Variants in SYNE2 observed in about 807,000 individuals in gnomAD.
SYNE2 encodes the protein spectrin repeat containing nuclear envelope protein 2, also known as nesprin-2.
A neutral mutation model predicts 856.3 loss-of-function variants in SYNE2; 431 were observed. That is an observed-to-expected ratio of 0.50 (90% CI 0.47 to 0.55). The LOEUF is 0.55. SYNE2 is among the 20% of genes least tolerant of loss of function. The pLI is 0.00. For missense variants in SYNE2, 8,129 were observed against 8,023.2 expected (o/e 1.01, Z -0.50); for synonymous variants, 2,923 against 2,872.3 (o/e 1.02, Z -0.56).
chr14:64,165,513 C>T, intron 90 of SYNE2, 103 bp downstream of exon 90: 2 of 1,316,148 alleles, frequency 1.5e-6, no homozygotes, highest in South Asian at 2.5e-5. Context: ...TCCTAACTCA[C>T]TCTTATTTTT....
At position 63,836,177 on chromosome 14, in the gene SYNE2, A is replaced by G. The variant is rs147852305; in HGVS notation, c.-304-16324A>G. Reference sequence around the variant, plus strand: ...GCTGGAACTACAGGCATGTGCCACTATGCCTGGCTAATTTTTTGGTATTTT... The same window carrying G: ...GCTGGAACTACAGGCATGTGCCACTGTGCCTGGCTAATTTTTTGGTATTTT... On this transcript the variant is annotated intron_variant, in intron 1 of 23. Transcript: ENST00000674003. 2.3e-3 allele frequency among the ~76,000 whole-genome samples: 347 copies of G among 152,120 alleles called. 3 individuals carry two copies. In the South Asian group the frequency reaches 0.025, roughly 11 times the overall value.
At chr14:63,987,772 T>A (rs2096637304) in intron 19 of SYNE2, among the ~76,000 whole-genome samples, 1 of 146,922 alleles carries the variant, frequency 6.8e-6, no homozygotes, top group Non-Finnish European at 1.5e-5. Context: ...AAAAATTTTT[T>A]AAATAATTTA....
At chr14:63,908,714 A>C (rs948287903) in intron 1 of SYNE2, among the ~76,000 whole-genome samples, 1 of 152,220 alleles carries the variant, frequency 6.6e-6, no homozygotes, top group African/African-American at 2.4e-5. Flanking sequence ...TTTAAAGAAA[A>C]TCCTTGAAGG....
chr14:64,057,601 C>G (rs2097283117), intron 49 of SYNE2, among the ~76,000 whole-genome samples: 1 of 152,186 alleles, frequency 6.6e-6, no homozygotes, highest in Admixed American at 6.5e-5. Context: ...GCAGCTATCT[C>G]TTCAATATAC....
rs371726138 is a variant in SYNE2, at chr14:64,183,000, G to A, written c.17557-3424G>A. Among the ~76,000 whole-genome samples the A allele has an allele frequency of 7.0e-4, 92 of 131,476 alleles. No individual in the cohort carries two copies. The South Asian group carries it at 0.018, about 26-fold the overall frequency. 86.3% of individuals were successfully genotyped at this position (131,476 alleles called of 152,430 possible). On this transcript the variant is annotated intron_variant, in intron 96 of 115. Coordinates refer to ENST00000555002, the MANE Select transcript of SYNE2 (RefSeq NM_182914.3). The stretch of plus-strand genomic sequence containing the variant: ...CCCCCACCTCCCTCCCGGACGGGGC[G>A]ACTGGCCAGGCGGGGGCTGCCCCCG...
chr14:63,951,474 G>T (rs940268748), intron 7 of SYNE2, among the ~76,000 whole-genome samples: 1 of 151,950 alleles, frequency 6.6e-6, no homozygotes, highest in Non-Finnish European at 1.5e-5. Context: ...AGCTAATTTT[G>T]TATTTTTAGT....
chr14:64,091,744 A>C (rs920699027), intron 60 of SYNE2, among the ~76,000 whole-genome samples: 1 of 152,184 alleles, frequency 6.6e-6, no homozygotes, highest in African/African-American at 2.4e-5. Flanking sequence ...TTCCTGGATC[A>C]ATAATCACTC....
chr14:63,998,883 C>A, intron 26 of SYNE2, 31 bp from the exon 27 acceptor site: 1 of 1,612,436 alleles, frequency 6.2e-7, no homozygotes, highest in East Asian at 2.2e-5. Flanking sequence ...TAAAAATTAA[C>A]TATTGTGATG....
intron 1 of SYNE2, among the ~76,000 whole-genome samples, chr14:63,873,207 G>A (rs925156671): frequency 5.3e-5 from 8 of 152,284 alleles, no homozygotes; most frequent in Admixed American, 3.3e-4. Context: ...TCAGACTGAT[G>A]TGAAGTACAT....
At chr14:64,081,947 A>G (rs1475361547) in intron 57 of SYNE2, among the ~76,000 whole-genome samples, 4 of 152,072 alleles carry the variant, frequency 2.6e-5, no homozygotes, top group Non-Finnish European at 5.9e-5. Context: ...TTAGCTGGGC[A>G]CGGTGGCGGG....
intron 64 of SYNE2, among the ~76,000 whole-genome samples, chr14:64,105,548 G>T (rs1273390273): frequency 6.6e-6 from 1 of 152,202 alleles, no homozygotes; most frequent in African/African-American, 2.4e-5. Context: ...GTTTCAGAGA[G>T]TTCAGGTTAA....
intron 90 of SYNE2, 140 bp from the exon 91 acceptor site, chr14:64,167,093 T>G (rs1426097665): frequency 9.7e-7 from 1 of 1,030,084 alleles, no homozygotes; most frequent in Non-Finnish European, 1.4e-6. Flanking sequence ...ACTCTAACAT[T>G]AGCAAGCTGT....
At chr14:64,019,838 G>A (rs1437995460) in intron 34 of SYNE2, among the ~76,000 whole-genome samples, 154 bp from the exon 35 acceptor site, 1 of 152,148 alleles carries the variant, frequency 6.6e-6, no homozygotes, top group Non-Finnish European at 1.5e-5. Context: ...GAAGGCACTT[G>A]GATTTGTAAC....
intron 88 of SYNE2, 156 bp downstream of exon 88, chr14:64,162,432 G>A: frequency 1.3e-6 from 1 of 794,536 alleles, no homozygotes; most frequent in South Asian, 1.5e-5. Context: ...AGGCTGGGAG[G>A]ACCAGGTGGT....
In SYNE2 at chr14:64,098,803, A is replaced by C. The variant is rs1281021265; in HGVS notation, c.12363A>C (p.Glu4121Asp). 1.2e-6 allele frequency: 2 copies of C among 1,614,016 alleles called. No individual in the cohort carries two copies. The highest frequency in any genetic ancestry group is 1.6e-4 in the Middle Eastern group (1 of 6,084). ...YLAAVEEEVEESSVKSDNGDE... is the reference protein window; with the variant it reads ...YLAAVEEEVEDSSVKSDNGDE... ...CAGCAGTCGAGGAAGAGGTGGAAGA[A>C]AGTTCCGTGAAGAGCGATGTAAGGG... The change falls in exon 63 of 116, where the codon GAA becomes GAC. Residue 4121 changes from glutamate (E) to aspartate (D), a missense_variant. By Grantham distance (45) the Glu-to-Asp change is conservative. Around this residue, in one of 3 missense-constraint regions of SYNE2, gnomAD observed 5,410 missense variants for 5,284.8 expected, o/e 1.02. Coordinates refer to ENST00000555002, the MANE Select transcript of SYNE2 (RefSeq NM_182914.3).
chr14:63,880,273 G>A (rs1258620501), intron 1 of SYNE2, among the ~76,000 whole-genome samples: 1 of 152,098 alleles, frequency 6.6e-6, no homozygotes, highest in African/African-American at 2.4e-5. Flanking sequence ...TGTATTTTTA[G>A]TAGAGACAGG....
chr14:63,914,337 T>G (rs1013051995), intron 2 of SYNE2, among the ~76,000 whole-genome samples: 4 of 152,200 alleles, frequency 2.6e-5, no homozygotes, highest in Non-Finnish European at 5.9e-5. Context: ...TAGGAATCCC[T>G]TCCGAAGTAT....
chr14:63,948,106 G>A (rs2096063942), intron 6 of SYNE2, among the ~76,000 whole-genome samples: 1 of 151,430 alleles, frequency 6.6e-6, no homozygotes, highest in Non-Finnish European at 1.5e-5. Context: ...TAAATTTTAT[G>A]AATAACTTGT....
At chr14:64,041,823 C>T (rs1234505017) in intron 45 of SYNE2, among the ~76,000 whole-genome samples, 2 of 150,072 alleles carry the variant, frequency 1.3e-5, no homozygotes, top group Non-Finnish European at 3.0e-5. Flanking sequence ...GCACTCCAGC[C>T]TGGGTGACAG....
Sources: gnomAD v4.1 joint callset for allele counts (sites outside exome capture counted in the v4.1 genomes callset) on GRCh38, gnomAD v4.1.1 for gene constraint, gnomAD v4.1.1 regional missense constraint, MANE v1.5 for transcripts, NCBI Gene and HGNC (gene_info 2026-07-23, HGNC 2026-07-21) for gene names.